CCSER2: variants seen among roughly 807,000 people sequenced by gnomAD.
The protein encoded by CCSER2 is serine-rich coiled-coil domain-containing protein 2.
CCSER2 carries 46 observed loss-of-function variants against 92.3 expected under a neutral mutation model. The observed-to-expected ratio is 0.50, with a 90% CI of 0.39 to 0.64. The LOEUF (loss-of-function observed/expected upper bound fraction) is 0.64. Ranked by LOEUF, CCSER2 falls within the 30% of genes least tolerant of loss-of-function variation. The pLI is 0.00. For missense variants in CCSER2, 1,244 were observed against 1,238.9 expected (o/e 1.00, Z -0.06); for synonymous variants, 433 against 431.4 (o/e 1.00, Z -0.04).
intron 1 of CCSER2, among the ~76,000 whole-genome samples, chr10:84,352,579 A>G (rs976772270): frequency 6.6e-6 from 1 of 151,824 alleles, no homozygotes; most frequent in Admixed American, 6.6e-5. Flanking sequence ...TATATTTCAA[A>G]GAGTACCTAT....
chr10:84,354,196 C>G (rs1845027881), intron 1 of CCSER2, among the ~76,000 whole-genome samples: 1 of 151,240 alleles, frequency 6.6e-6, no homozygotes, highest in Non-Finnish European at 1.5e-5. Flanking sequence ...GAGGGAGACT[C>G]TATCTCAAAC....
rs1164148060 is a variant in CCSER2 at position 84,424,954 on chromosome 10, A to G, written c.1706-777A>G. On this transcript the variant is annotated intron_variant, in intron 4 of 9. Coordinates refer to ENST00000372088, the MANE Select transcript of CCSER2 (RefSeq NM_001284240.2). ...CCTGTTCAGCAGTGCCTTGGGTACA[A>G]CTATGTCTGAGTAGGCAGCCGGTAA... 1.2e-5 allele frequency: 12 copies of G among 983,278 alleles called. No individual in the cohort carries two copies. In the East Asian group the frequency reaches 1.0e-3, roughly 84 times the overall value. The allele number at this position is 983,278 out of a possible 1,614,324, so 60.9% of individuals were successfully genotyped here. A position where few individuals can be genotyped will look rare whatever the true frequency, so the allele number is the denominator to read the frequency against.
chr10:84,436,001 G>A (rs1036532916), intron 5 of CCSER2, among the ~76,000 whole-genome samples: 1 of 152,084 alleles, frequency 6.6e-6, no homozygotes, highest in African/African-American at 2.4e-5. Flanking sequence ...ATTGTAGGAT[G>A]CTTTGGGAAT....
At chr10:84,431,404 T>A (rs936812398) in intron 5 of CCSER2, among the ~76,000 whole-genome samples, 5 of 151,904 alleles carry the variant, frequency 3.3e-5, no homozygotes, top group Non-Finnish European at 7.4e-5. Context: ...CTTACCAAAA[T>A]ACATGTAAGG....
At chr10:84,488,687 C>G (rs569960226) in intron 9 of CCSER2, among the ~76,000 whole-genome samples, 36 of 152,220 alleles carry the variant, frequency 2.4e-4, no homozygotes, top group African/African-American at 7.5e-4. Context: ...TTTCAAAAAA[C>G]CAGCTCCTGG....
intron 9 of CCSER2, among the ~76,000 whole-genome samples, chr10:84,485,372 C>T (rs1314119558): frequency 1.3e-5 from 2 of 152,218 alleles, no homozygotes; most frequent in Non-Finnish European, 1.5e-5. Context: ...TCTAACCATT[C>T]TCACTTTCTC....
intron 6 of CCSER2, among the ~76,000 whole-genome samples, chr10:84,442,082 C>G (rs1224373401): frequency 6.6e-6 from 1 of 152,028 alleles, no homozygotes; most frequent in African/African-American, 2.4e-5. Flanking sequence ...CACAGACTTT[C>G]AATTCATTCC....
chr10:84,454,118 CTCTG>C (rs944072042), intron 6 of CCSER2, among the ~76,000 whole-genome samples: 16 of 152,136 alleles, frequency 1.1e-4, no homozygotes, highest in Non-Finnish European at 8.8e-5. Flanking sequence ...CAGGGCTTTT[CTCTG>C]TCTGAAGGCT....
chr10:84,471,829 T>C (rs1217381328), intron 8 of CCSER2, among the ~76,000 whole-genome samples: 1 of 152,094 alleles, frequency 6.6e-6, no homozygotes, highest in Admixed American at 6.5e-5. Context: ...TTTTTAATTT[T>C]AAAATTTTAA....
chr10:84,392,124 A>C lies in CCSER2; in HGVS notation c.1614+18309A>C, dbSNP rs529980124. ...TATGAGGGAGCCTCTGCACCCAGGG[A>C]AAATACTACCCTTTACGGGGGGAAG... is the stretch of plus-strand genomic sequence containing the variant. On this transcript the variant is annotated intron_variant, in intron 3 of 9. Transcript: ENST00000372088. 9.0e-6 allele frequency: 6 copies of C among 669,686 alleles called. No homozygotes were observed. The East Asian group carries it at 1.3e-4, about 15-fold the overall frequency. The allele number at this position is 669,686 out of a possible 1,614,324, so 41.5% of individuals were successfully genotyped here. A position where few individuals can be genotyped will look rare whatever the true frequency, so the allele number is the denominator to read the frequency against.
At chr10:84,415,761 TGAGTTGACCAGACGGCAGAGATGGC>T (rs1842859160) in intron 3 of CCSER2, among the ~76,000 whole-genome samples, 2 of 152,350 alleles carry the variant, frequency 1.3e-5, no homozygotes, top group East Asian at 3.9e-4. Context: ...CTGGATCAGC[TGAGTTGACCAGACGGCAGAGATGGC>T]GGCTGCCCCT....
chr10:84,345,674 A>G lies in CCSER2; in HGVS notation c.-40+16866A>G, dbSNP rs551573626. On this transcript the variant is annotated intron_variant, in intron 1 of 9. Coordinates refer to ENST00000372088, the MANE Select transcript of CCSER2 (RefSeq NM_001284240.2). ...AGAGAACAAAGGTCTAGATTATGAC[A>G]TGTTTTCTTGTCACTGAAGTGTTCC... 3.9e-5 allele frequency among the ~76,000 whole-genome samples: 6 copies of G among 152,286 alleles called. No homozygotes were observed. The South Asian group carries it at 1.2e-3, about 32-fold the overall frequency.
intron 3 of CCSER2, among the ~76,000 whole-genome samples, chr10:84,411,110 T>C (rs1346914807): frequency 6.6e-6 from 1 of 152,180 alleles, no homozygotes; most frequent in Non-Finnish European, 1.5e-5. Context: ...TCTATTCTGC[T>C]CCGTTGGTCT....
intron 1 of CCSER2, among the ~76,000 whole-genome samples, chr10:84,332,165 G>T (rs1406617750): frequency 6.6e-6 from 1 of 151,866 alleles, no homozygotes; most frequent in Non-Finnish European, 1.5e-5. Context: ...TTAAAAGTTT[G>T]TTTTTTAAAA....
chr10:84,379,660 A>G (rs2133206348), intron 3 of CCSER2, among the ~76,000 whole-genome samples: 1 of 152,248 alleles, frequency 6.6e-6, no homozygotes, highest in South Asian at 2.1e-4. Context: ...GGCATGTTGT[A>G]TAGGCCATTA....
At chr10:84,488,312 A>G (rs1847932468) in intron 9 of CCSER2, among the ~76,000 whole-genome samples, 1 of 152,204 alleles carries the variant, frequency 6.6e-6, no homozygotes, top group Non-Finnish European at 1.5e-5. Flanking sequence ...TTCAGAAGGA[A>G]TGATACCAGC....
Position 84,438,537 on chromosome 10 carries a change from T to G in CCSER2, c.1894T>G (p.Leu632Val). 6.2e-7 allele frequency: 1 copy of G among 1,611,846 alleles called. No homozygotes were observed. Among genetic ancestry groups the G allele is most frequent in the Non-Finnish European group, 8.5e-7 (1 of 1,178,656 alleles). The change falls in exon 6 of 10, where the codon TTG becomes GTG. Residue 632 changes from leucine (L) to valine (V), a missense_variant. Transcript: ENST00000372088. ...SRGSPYRESP[L>V]GHFESYGGMP... ...AGGCTCTCCCTATAGAGAATCTCCTTTGGGTCATTTTGAAAGCTATGGAGG... is the reference window on the plus strand; with the variant it reads ...AGGCTCTCCCTATAGAGAATCTCCTGTGGGTCATTTTGAAAGCTATGGAGG...
At chr10:84,501,700 A>ATAC (rs981226329) in intron 9 of CCSER2, among the ~76,000 whole-genome samples, 2 of 142,142 alleles carry the variant, frequency 1.4e-5, no homozygotes, top group African/African-American at 5.1e-5. Flanking sequence ...AATTCCTACA[A>ATAC]TACTAGTAAG....
At chr10:84,395,977 TTA>T (rs1444182623) in intron 3 of CCSER2, among the ~76,000 whole-genome samples, 3 of 152,088 alleles carry the variant, frequency 2.0e-5, no homozygotes. Context: ...GAACTGACAA[TTA>T]TATGTATACA....
Sources: gnomAD v4.1 joint callset for allele counts (sites outside exome capture counted in the v4.1 genomes callset) on GRCh38, gnomAD v4.1.1 for gene constraint, MANE v1.5 for transcripts, NCBI Gene and HGNC (gene_info 2026-07-23, HGNC 2026-07-21) for gene names.